The following ZC3H11A variants were observed in gnomAD, a reference collection of about 807,000 sequenced individuals.
ZC3H11A encodes the protein zinc finger CCCH domain-containing protein 11A.
A neutral mutation model predicts 90.8 loss-of-function variants in ZC3H11A; 22 were observed. That is an observed-to-expected ratio of 0.24 (90% CI 0.17 to 0.35). ZC3H11A has a LOEUF of 0.35. ZC3H11A is among the 10% of genes least tolerant of loss of function. The pLI, the probability that ZC3H11A is intolerant of heterozygous loss-of-function variation, is 1.00. For missense variants in ZC3H11A, 701 were observed against 964.9 expected, an observed-to-expected ratio of 0.73 and a Z score of 3.62; for synonymous variants, 294 against 339.8, an observed-to-expected ratio of 0.87 and a Z score of 1.48.
chr1:203,824,129 G>A (rs1292108912), intron 4 of ZC3H11A, among the ~76,000 whole-genome samples: 11 of 152,020 alleles, frequency 7.2e-5, no homozygotes, highest in Non-Finnish European at 7.4e-5. Flanking sequence ...TTAGTCGGGC[G>A]TGGTGACGCA....
intron 12 of ZC3H11A, among the ~76,000 whole-genome samples, chr1:203,846,055 T>G (rs1385852881): frequency 7.3e-6 from 1 of 136,722 alleles, no homozygotes; most frequent in Non-Finnish European, 1.5e-5. Context: ...GGCAGAAGGA[T>G]CACTTGAAGC....
intron 2 of ZC3H11A, among the ~76,000 whole-genome samples, chr1:203,804,150 G>GTTTTTTTTTTTTTTTTTTTTTT (rs1209891980): frequency 7.6e-6 from 1 of 131,018 alleles, no homozygotes. Context: ...TCCTGTATAT[G>GTTTTTTTTTTTTTTTTTTTTTT]TGTTTTTTTT....
chr1:203,797,702 T>C (rs1219286761), intron 1 of ZC3H11A: 4 of 1,534,786 alleles, frequency 2.6e-6, no homozygotes, highest in African/African-American at 2.7e-5. Context: ...AACAGCCTGC[T>C]AAAAAGAAAA....
chr1:203,816,821 G>A (rs1025812618), intron 2 of ZC3H11A, 105 bp from the exon 3 acceptor site: 1 of 416,634 alleles, frequency 2.4e-6, no homozygotes, highest in Middle Eastern at 6.6e-4. Flanking sequence ...AAGCAAGGTC[G>A]TATTAATAAA....
chr1:203,819,076 A>AT (rs1677350706), intron 4 of ZC3H11A, among the ~76,000 whole-genome samples: 1 of 34,180 alleles, frequency 2.9e-5, no homozygotes, highest in Non-Finnish European at 1.3e-4. Flanking sequence ...TCAAAAAAAA[A>AT]AATATATATA....
At chr1:203,829,306 C>G in intron 5 of ZC3H11A, 145 bp from the exon 6 acceptor site, 1 of 782,496 alleles carries the variant, frequency 1.3e-6, no homozygotes, top group Non-Finnish European at 2.0e-6. Flanking sequence ...TTTTCCCTCC[C>G]TGGGACTTTA....
chr1:203,848,944 G>T (rs140130819), intron 14 of ZC3H11A, among the ~76,000 whole-genome samples: 8 of 152,272 alleles, frequency 5.3e-5, no homozygotes, highest in Middle Eastern at 3.4e-3. Flanking sequence ...GAGTGCAGTG[G>T]CATGATCTCG....
intron 1 of ZC3H11A, chr1:203,797,104 A>C (rs1668782949): frequency 6.5e-6 from 1 of 154,554 alleles, no homozygotes; most frequent in Non-Finnish European, 1.4e-5. Flanking sequence ...TCATAAAAAT[A>C]TGTATTTTAC....
chr1:203,805,538 GTA>G (rs1672037280), intron 2 of ZC3H11A: 2 of 550,826 alleles, frequency 3.6e-6, no homozygotes, highest in Admixed American at 4.2e-5. Context: ...GGACAGAAAC[GTA>G]TCTGTTACGG....
intron 1 of ZC3H11A, chr1:203,798,314 C>T: frequency 6.5e-7 from 1 of 1,536,098 alleles, no homozygotes; most frequent in Non-Finnish European, 8.7e-7. Context: ...GAACTAGAGC[C>T]AAGACATCTG....
In ZC3H11A at chr1:203,802,483, A is replaced by G. The variant is rs1412001774; in HGVS notation, c.-679A>G. 1 of 152,552 alleles carries G rather than the reference A, an allele frequency of 6.6e-6. No homozygotes were observed. Among genetic ancestry groups the G allele is most frequent in the Admixed American group, 6.6e-5 (1 of 15,254 alleles). 9.4% of individuals were successfully genotyped at this position (152,552 alleles called of 1,614,324 possible). ...ATATATCTGTATGTATATTATATAC[A>G]TAAAACACTATATTTTTACATACAA... On this transcript the variant is annotated 5_prime_UTR_variant, in exon 2 of 18. Coordinates refer to ENST00000367210, the MANE Select transcript of ZC3H11A (RefSeq NM_001376342.1).
intron 1 of ZC3H11A, chr1:203,796,668 A>G (rs1668607543): frequency 5.2e-6 from 2 of 387,988 alleles, no homozygotes; most frequent in Non-Finnish European, 4.5e-6. Flanking sequence ...TTTAAAGTTC[A>G]TATTTCACTT....
chr1:203,797,152 A>G lies in ZC3H11A; in HGVS notation c.-1588+1358A>G, dbSNP rs145442231. ...TTTCAAGTAGATATAGTTCTTGATG[A>G]AGCAGGAAGAACATGGATCTGGGAT... is the stretch of plus-strand genomic sequence containing the variant. On this transcript the variant is annotated intron_variant, in intron 1 of 17. Transcript: ENST00000367210. 414 of 161,970 alleles carry G rather than the reference A, an allele frequency of 2.6e-3. 1 individual carries two copies. Among genetic ancestry groups the G allele is most frequent in the African/African-American group, 8.9e-3 (371 of 41,878 alleles). 10.0% of individuals were successfully genotyped at this position (161,970 alleles called of 1,614,324 possible). A position where few individuals can be genotyped will look rare whatever the true frequency, so the allele number is the denominator to read the frequency against.
In ZC3H11A at chr1:203,814,773, T is replaced by C. The variant is rs978636348; in HGVS notation, c.-145-2153T>C. On this transcript the variant is annotated intron_variant, in intron 2 of 17. Transcript: ENST00000367210. ...TTTTACAGCAGCATTCACTTTCTGG[T>C]ATGAAACTCTAATGGCTGTATATTG... The C allele has an allele frequency of 2.6e-5, 4 of 152,336 alleles. No homozygotes were observed. The East Asian group carries it at 7.7e-4, about 29-fold the overall frequency. 9.4% of individuals were successfully genotyped at this position (152,336 alleles called of 1,614,324 possible). A position where few individuals can be genotyped will look rare whatever the true frequency, so the allele number is the denominator to read the frequency against.
At chr1:203,832,517 C>T (rs1464994465) in intron 9 of ZC3H11A, among the ~76,000 whole-genome samples, 3 of 152,076 alleles carry the variant, frequency 2.0e-5, no homozygotes, top group Admixed American at 1.3e-4. Context: ...CCCGCCACCA[C>T]GCCTGGCTAA....
chr1:203,843,602 A>G (rs1011433974), intron 12 of ZC3H11A, among the ~76,000 whole-genome samples: 1 of 152,242 alleles, frequency 6.6e-6, no homozygotes, highest in South Asian at 2.1e-4. Flanking sequence ...GTAGAATGAA[A>G]GCAGCCATAT....
In ZC3H11A at chr1:203,838,060, G is replaced by A. The variant is rs1684927216; in HGVS notation, c.969G>A (p.Lys323=). ...APETNIDKTP[K]KAQVSKSLKE... Reference sequence around the variant, plus strand: ...AAACTAACATTGACAAAACACCAAAGAAAGGTACCTGTGTTCTTACATACT... The same window carrying A: ...AAACTAACATTGACAAAACACCAAAAAAAGGTACCTGTGTTCTTACATACT... Residue 323 remains lysine (K), a synonymous_variant, in exon 11 of 18, where the codon AAG becomes AAA. Coordinates refer to ENST00000367210, the MANE Select transcript of ZC3H11A (RefSeq NM_001376342.1). 6.2e-7 allele frequency: 1 copy of A among 1,613,964 alleles called. No homozygotes were observed. Among genetic ancestry groups the A allele is most frequent in the Non-Finnish European group, 8.5e-7 (1 of 1,179,970 alleles).
intron 10 of ZC3H11A, 192 bp downstream of exon 10, chr1:203,834,045 A>G (rs1683387520): frequency 8.0e-7 from 1 of 1,256,132 alleles, no homozygotes; most frequent in Non-Finnish European, 1.0e-6. Context: ...AAAGTGTTAC[A>G]ATTGAACTAG....
intron 2 of ZC3H11A, chr1:203,805,736 A>T (rs1571941572): frequency 1.5e-6 from 1 of 666,550 alleles, no homozygotes; most frequent in South Asian, 1.4e-5. Flanking sequence ...TCTAAATAGA[A>T]CTCTTGGTCA....
Sources: allele counts gnomAD v4.1 joint callset (sites outside exome capture counted in the v4.1 genomes callset), GRCh38; gene constraint gnomAD v4.1.1; transcripts MANE v1.5; gene names NCBI Gene and HGNC (gene_info 2026-07-23, HGNC 2026-07-21).